The following C3orf20 variants were observed in gnomAD, a reference collection of about 807,000 sequenced individuals.
C3orf20 encodes family with sequence similarity 149 member C.
C3orf20 carries 76 observed loss-of-function variants against 88.3 expected under a neutral mutation model. The observed-to-expected ratio is 0.86, with a 90% CI of 0.72 to 1.04. The LOEUF is 1.04. Among genes scored for constraint, C3orf20 ranks in the 50% least tolerant of loss-of-function variants. C3orf20 has a pLI of 0.00. For synonymous variants in C3orf20, 436 were observed against 437.4 expected (o/e 1.00, Z 0.04); for missense variants, 1,056 against 1,123.3 (o/e 0.94, Z 0.86).
intron 15 of C3orf20, among the ~76,000 whole-genome samples, chr3:14,764,746 A>G (rs1171549610): frequency 6.6e-6 from 1 of 152,172 alleles, no homozygotes; most frequent in East Asian, 1.9e-4. Flanking sequence ...GCTTCCTCAC[A>G]ACATGGTGGC....
At chr3:14,738,751 C>T (rs897113515) in intron 12 of C3orf20, among the ~76,000 whole-genome samples, 1 of 150,534 alleles carries the variant, frequency 6.6e-6, no homozygotes, top group African/African-American at 2.4e-5. Flanking sequence ...AGCGACTCTC[C>T]TGCCTCAACC....
At chr3:14,736,488 A>G (rs190558275) in intron 12 of C3orf20, among the ~76,000 whole-genome samples, 53 of 151,676 alleles carry the variant, frequency 3.5e-4, no homozygotes, top group Admixed American at 3.5e-3. Context: ...ATGAGATTTC[A>G]CCATATTGGC....
chr3:14,721,697 C>T lies in C3orf20; in HGVS notation c.1479C>T (p.Ile493=), dbSNP rs778170663. The T allele has an allele frequency of 4.3e-6, 7 of 1,614,074 alleles. No individual in the cohort carries two copies. The South Asian group carries it at 7.7e-5, about 18-fold the overall frequency. ...TAAAGGTACTGGGACAGGACTCCAT[C>T]ACAGTCACCTTCACCTCCCTGAATG... ...MKLKVLGQDS[I]TVTFTSLNET... Residue 493 remains isoleucine (I), a synonymous_variant, in exon 10 of 17, where the codon ATC becomes ATT. Coordinates refer to ENST00000253697, the MANE Select transcript of C3orf20 (RefSeq NM_032137.5).
intron 12 of C3orf20, among the ~76,000 whole-genome samples, chr3:14,732,150 G>C (rs1248169928): frequency 6.6e-6 from 1 of 152,216 alleles, no homozygotes; most frequent in African/African-American, 2.4e-5. Flanking sequence ...ATCTTTGTTA[G>C]CACTTGATAT....
chr3:14,690,147 A>G, intron 5 of C3orf20, 31 bp downstream of exon 5: 1 of 1,606,284 alleles, frequency 6.2e-7, no homozygotes, highest in Non-Finnish European at 8.5e-7. Context: ...CCTACCATTC[A>G]TTGGTGGTGG....
In C3orf20 at chr3:14,755,371, C is replaced by G. The variant is rs1289085200; in HGVS notation, c.1941-2000C>G. Among the ~76,000 whole-genome samples the G allele has an allele frequency of 1.3e-5, 2 of 151,986 alleles. 1 individual carries two copies. Among genetic ancestry groups the G allele is most frequent in the Non-Finnish European group, 2.9e-5 (2 of 68,008 alleles). On this transcript the variant is annotated intron_variant, in intron 12 of 16. Coordinates refer to ENST00000253697, the MANE Select transcript of C3orf20 (RefSeq NM_032137.5). Reference sequence around the variant, plus strand: ...CATAATTGTAAAAAGCCTTCCTGCTCCAAAATTATAGAATAATTTCCCCAT... The same window carrying G: ...CATAATTGTAAAAAGCCTTCCTGCTGCAAAATTATAGAATAATTTCCCCAT...
At chr3:14,681,062 A>C (rs1464177978) in intron 1 of C3orf20, among the ~76,000 whole-genome samples, 2 of 152,252 alleles carry the variant, frequency 1.3e-5, no homozygotes, top group African/African-American at 4.8e-5. Context: ...AGATTTTGTT[A>C]TTGATAGATG....
At chr3:14,725,514 G>T (rs1318997424) in intron 10 of C3orf20, among the ~76,000 whole-genome samples, 2 of 152,136 alleles carry the variant, frequency 1.3e-5, no homozygotes, top group African/African-American at 4.8e-5. Flanking sequence ...TGCTTTATTA[G>T]CCCAGTGTGC....
In C3orf20 at chr3:14,703,115, G is replaced by T. The variant is rs1327444310; in HGVS notation, c.746-15G>T. 2.5e-6 allele frequency: 4 copies of T among 1,613,994 alleles called. No homozygotes were observed. Among genetic ancestry groups the T allele is most frequent in the Non-Finnish European group, 3.4e-6 (4 of 1,179,964 alleles). Reference sequence around the variant, plus strand: ...GTCTTGGGCATCTCTCTAACTTCTTGCCCTCCAACTACAGGCAAATCTAGA... The same window carrying T: ...GTCTTGGGCATCTCTCTAACTTCTTTCCCTCCAACTACAGGCAAATCTAGA... On this transcript the variant is annotated splice_polypyrimidine_tract_variant and intron_variant, in intron 5 of 16. Coordinates refer to ENST00000253697, the MANE Select transcript of C3orf20 (RefSeq NM_032137.5).
intron 12 of C3orf20, among the ~76,000 whole-genome samples, chr3:14,749,507 G>A (rs1324687621): frequency 1.3e-5 from 2 of 152,136 alleles, no homozygotes; most frequent in Admixed American, 6.6e-5. Context: ...AATGCATCTC[G>A]TGTAGGGAGC....
chr3:14,733,733 G>A (rs1441613811), intron 12 of C3orf20, among the ~76,000 whole-genome samples: 1 of 151,186 alleles, frequency 6.6e-6, no homozygotes, highest in Non-Finnish European at 1.5e-5. Flanking sequence ...TCTGTTGCCA[G>A]GCTGGAGTGC....
chr3:14,752,871 C>T (rs547608267), intron 12 of C3orf20, among the ~76,000 whole-genome samples: 3 of 152,260 alleles, frequency 2.0e-5, no homozygotes, highest in African/African-American at 4.8e-5. Context: ...GAAATAGGCA[C>T]GCTTTTACAC....
chr3:14,748,910 A>G (rs1160008919), intron 12 of C3orf20, among the ~76,000 whole-genome samples: 2 of 152,206 alleles, frequency 1.3e-5, no homozygotes, highest in African/African-American at 4.8e-5. Flanking sequence ...GCAATAGAGA[A>G]GAATGTGTGT....
Position 14,772,098 on chromosome 3 carries a change from T to G in C3orf20, c.2527T>G (p.Ser843Ala), listed in dbSNP as rs200288964. 4 of 1,614,190 alleles carry G rather than the reference T, an allele frequency of 2.5e-6. No homozygotes were observed. In the East Asian group the frequency reaches 8.9e-5, roughly 36 times the overall value. Reference protein sequence around the residue: ...VPNSVLSLEDSESVKKAESED... With the variant: ...VPNSVLSLEDAESVKKAESED... ...CAACTCTGTCCTGAGCCTGGAGGAT[T>G]CTGAATCAGTCAAGAAAGCCGAGTC... The change falls in exon 16 of 17, where the codon TCT (serine) becomes GCT (alanine). Residue 843 changes from serine to alanine, a missense_variant. Physicochemically the swap from Ser to Ala is moderately conservative, Grantham distance 99 (BLOSUM62 1). Transcript: ENST00000253697. The surrounding 1 kb of genome is among the most constrained non-coding windows in gnomAD (Gnocchi z 4.2).
intron 13 of C3orf20, 82 bp from the exon 14 acceptor site, chr3:14,759,809 C>T: frequency 8.4e-7 from 1 of 1,192,200 alleles, no homozygotes; most frequent in South Asian, 1.3e-5. Flanking sequence ...TCAGGGGGAA[C>T]CAGGCCTAGC....
intron 5 of C3orf20, among the ~76,000 whole-genome samples, chr3:14,696,357 AGTT>A (rs1213843765): frequency 2.1e-5 from 3 of 141,784 alleles, no homozygotes; most frequent in East Asian, 2.0e-4. Context: ...TATCTTGAAA[AGTT>A]GTTGTGCTAT....
At chr3:14,731,920 T>C (rs780788107) in intron 12 of C3orf20, among the ~76,000 whole-genome samples, 4 of 152,260 alleles carry the variant, frequency 2.6e-5, no homozygotes, top group Non-Finnish European at 5.9e-5. Flanking sequence ...TGGATTGTTT[T>C]CAGCTTTTTC....
At chr3:14,762,098 G>T (rs1005167674) in intron 15 of C3orf20, among the ~76,000 whole-genome samples, 4 of 152,136 alleles carry the variant, frequency 2.6e-5, no homozygotes, top group African/African-American at 7.2e-5. Context: ...TTGAGACAGG[G>T]TATCACTCTG....
chr3:14,735,074 CTTTAT>C (rs60054000), intron 12 of C3orf20, among the ~76,000 whole-genome samples: 39,180 of 151,140 alleles, frequency 0.26, 5,186 homozygotes, highest in South Asian at 0.37. Flanking sequence ...CTTTCTGCTC[CTTTAT>C]TTTAAGGTCT....
Sources: allele counts gnomAD v4.1 joint callset (sites outside exome capture counted in the v4.1 genomes callset), GRCh38; gene constraint gnomAD v4.1.1; non-coding constraint Gnocchi (gnomAD v3.1); transcripts MANE v1.5; gene names NCBI Gene and HGNC (gene_info 2026-07-23, HGNC 2026-07-21).